FRMPD4: variants seen among roughly 807,000 people sequenced by gnomAD.
FRMPD4 encodes the protein FERM and PDZ domain containing 4, also known as FERM and PDZ domain-containing protein 4.
A neutral mutation model predicts 94.1 loss-of-function variants in FRMPD4; 22 were observed. That is an observed-to-expected ratio of 0.23 (90% confidence interval 0.17 to 0.33). The LOEUF is 0.33. Among genes scored for constraint, FRMPD4 ranks in the 10% least tolerant of loss-of-function variants. The pLI is 1.00. For missense variants in FRMPD4, 1,111 were observed against 1,339.9 expected (o/e 0.83, Z 2.67); for synonymous variants, 631 against 548.6 (o/e 1.15, Z -2.10).
intron 1 of FRMPD4, among the ~76,000 whole-genome samples, chrX:11,853,651 A>G (rs923289435): frequency 9.0e-6 from 1 of 111,551 alleles, no homozygotes; most frequent in East Asian, 2.8e-4. Flanking sequence ...ATACCTGGAC[A>G]CTTACACCCT....
chrX:12,139,554 G>GGGT (rs2055660763), intron 1 of FRMPD4, among the ~76,000 whole-genome samples: 2 of 102,566 alleles, frequency 1.9e-5, no homozygotes, highest in Non-Finnish European at 4.0e-5. Context: ...TTTTTTTTGG[G>GGGT]GGGGGGGTAA....
intron 1 of FRMPD4, among the ~76,000 whole-genome samples, chrX:12,331,942 AT>A (rs1392880818): frequency 4.7e-5 from 2 of 42,875 alleles, no homozygotes; most frequent in Non-Finnish European, 7.7e-5. Flanking sequence ...TATATAAATT[AT>A]ATATATTTAT....
chrX:12,014,670 A>G (rs2054596662), intron 3 of FRMPD4, among the ~76,000 whole-genome samples: 1 of 112,067 alleles, frequency 8.9e-6, no homozygotes, highest in Admixed American at 9.4e-5. Flanking sequence ...CTATGGATGC[A>G]GAAAACAGAA....
chrX:12,317,458 G>A (rs982575731), intron 1 of FRMPD4, among the ~76,000 whole-genome samples: 3 of 109,901 alleles, frequency 2.7e-5, no homozygotes, highest in Admixed American at 9.8e-5. Flanking sequence ...AAAAGCTTCT[G>A]CACAACAAAG....
At chrX:12,407,179 A>G (rs765498172) in intron 1 of FRMPD4, among the ~76,000 whole-genome samples, 1 of 111,851 alleles carries the variant, frequency 8.9e-6, no homozygotes, top group Non-Finnish European at 1.9e-5. Flanking sequence ...TCTTAGTTAC[A>G]TATGCAAAGT....
At chrX:11,827,110 CAT>C (rs1263680558) in intron 1 of FRMPD4, among the ~76,000 whole-genome samples, 1 of 95,210 alleles carries the variant, frequency 1.1e-5, no homozygotes, top group Non-Finnish European at 2.1e-5. Context: ...CTGTATATAA[CAT>C]ATATAAAAGG....
chrX:12,603,777 G>T (rs918778637), intron 2 of FRMPD4, among the ~76,000 whole-genome samples: 8 of 109,836 alleles, frequency 7.3e-5, no homozygotes, highest in African/African-American at 2.7e-4. Flanking sequence ...TGCTTTTTCA[G>T]CTCATTAAAC....
chrX:12,168,121 G>A (rs2056153920), intron 1 of FRMPD4, among the ~76,000 whole-genome samples: 1 of 111,155 alleles, frequency 9.0e-6, no homozygotes, highest in African/African-American at 3.3e-5. Flanking sequence ...GACTCAAAAA[G>A]TCAGCACTGC....
intron 1 of FRMPD4, among the ~76,000 whole-genome samples, chrX:12,430,497 C>T (rs945886046): frequency 1.8e-5 from 2 of 112,117 alleles, no homozygotes; most frequent in African/African-American, 6.5e-5. Flanking sequence ...TAGCAGAGTT[C>T]CTTGCTTATA....
chrX:12,321,967 G>C (rs183028370), intron 1 of FRMPD4, among the ~76,000 whole-genome samples: 60 of 112,017 alleles, frequency 5.4e-4, no homozygotes, highest in African/African-American at 1.7e-3. Flanking sequence ...TCTGCAGGGT[G>C]ATGTGGAAGG....
intron 1 of FRMPD4, among the ~76,000 whole-genome samples, chrX:12,411,882 A>G (rs1429999852): frequency 8.9e-6 from 1 of 111,746 alleles, no homozygotes; most frequent in Non-Finnish European, 1.9e-5. Context: ...TCTACAACTC[A>G]CTGGATACCA....
At chrX:12,094,067 A>T (rs73632672) in intron 3 of FRMPD4, among the ~76,000 whole-genome samples, 1 of 112,085 alleles carries the variant, frequency 8.9e-6, no homozygotes, top group Non-Finnish European at 1.9e-5. Context: ...TGCAGTGGCC[A>T]TTGTCTTCTG....
At chrX:12,212,394 CT>C (rs746470075) in intron 1 of FRMPD4, among the ~76,000 whole-genome samples, 1 of 110,056 alleles carries the variant, frequency 9.1e-6, no homozygotes, top group Non-Finnish European at 1.9e-5. Flanking sequence ...AATTTCTGTC[CT>C]CTTTCCCTCC....
chrX:12,373,215 C>T (rs2056186703), intron 1 of FRMPD4: 1 of 112,392 alleles, frequency 8.9e-6, no homozygotes, highest in Admixed American at 9.4e-5. Flanking sequence ...TGTGTTCTCT[C>T]GATTGAAGTT....
chrX:12,439,997 G>A (rs1161656888), intron 1 of FRMPD4, among the ~76,000 whole-genome samples: 3 of 111,616 alleles, frequency 2.7e-5, no homozygotes, highest in Non-Finnish European at 3.8e-5. Flanking sequence ...GCCAGCTCCC[G>A]TATGACGTTT....
intron 9 of FRMPD4, among the ~76,000 whole-genome samples, chrX:12,696,123 T>C (rs60386755): frequency 8.9e-6 from 1 of 112,933 alleles, no homozygotes; most frequent in East Asian, 2.7e-4. Context: ...TCTGCATTTA[T>C]TAATTGGTAT....
At chrX:12,270,687 A>G (rs2054342339) in intron 1 of FRMPD4, among the ~76,000 whole-genome samples, 1 of 112,066 alleles carries the variant, frequency 8.9e-6, no homozygotes, top group Non-Finnish European at 1.9e-5. Context: ...AATGTGTAAC[A>G]GTTACAAACT....
chrX:11,866,095 A>G (rs1208239948), intron 2 of FRMPD4, among the ~76,000 whole-genome samples: 2 of 112,030 alleles, frequency 1.8e-5, no homozygotes, highest in Admixed American at 1.9e-4. Context: ...AAGCTGAAGA[A>G]AGCAGAAACA....
chrX:12,329,328 T>A (rs987411036), intron 1 of FRMPD4, among the ~76,000 whole-genome samples: 1 of 111,170 alleles, frequency 9.0e-6, no homozygotes, highest in Non-Finnish European at 1.9e-5. Context: ...GGAAAAGTTA[T>A]AATAGTATTT....
Sources: allele counts gnomAD v4.1 joint callset (sites outside exome capture counted in the v4.1 genomes callset), GRCh38; gene constraint gnomAD v4.1.1; transcripts MANE v1.5; gene names NCBI Gene and HGNC (gene_info 2026-07-23, HGNC 2026-07-21).